Variants in TENM4 observed in about 807,000 individuals in gnomAD.
The protein encoded by TENM4 is teneurin transmembrane protein 4.
A neutral mutation model predicts 243.3 loss-of-function variants in TENM4; 82 were observed. That is an observed-to-expected ratio of 0.34 (90% CI 0.28 to 0.40). The LOEUF (loss-of-function observed/expected upper bound fraction) is 0.40, where lower values mean the gene tolerates loss of function less well. Among genes scored for constraint, TENM4 ranks in the 10% least tolerant of loss-of-function variants. The probability of loss-of-function intolerance (pLI) is 1.00; values close to 1 mark genes in which losing one functional copy is unlikely to be tolerated. For synonymous variants in TENM4, 1,412 were observed against 1,456.3 expected (o/e 0.97, Z 0.69); for missense variants, 3,138 against 3,673.3 (o/e 0.85, Z 3.77).
intron 1 of TENM4, among the ~76,000 whole-genome samples, chr11:79,341,258 T>C (rs1323930405): frequency 1.3e-5 from 2 of 152,202 alleles, no homozygotes; most frequent in Non-Finnish European, 1.5e-5. Flanking sequence ...GAATGTGTCA[T>C]AGCAGCGATG....
In TENM4 at chr11:78,729,548, G is replaced by A. The variant is rs1021170863; in HGVS notation, c.3234C>T (p.Ser1078=). The A allele has an allele frequency of 9.3e-6, 15 of 1,613,880 alleles. No homozygotes were observed. The highest frequency in any genetic ancestry group is 1.1e-5 in the Non-Finnish European group (13 of 1,179,900). The change falls in exon 22 of 34, where the codon AGC becomes AGT. Residue 1078 remains serine, a synonymous_variant. Coordinates refer to ENST00000278550, the MANE Select transcript of TENM4 (RefSeq NM_001098816.3). ...TGAAGGGGATGGTCGGGTGGGTGAG[G>A]CTGATCCTCAGGACAGATTTGTAGC... The part of the protein sequence containing the change: ...TPGYKSVLRI[S]LTHPTIPFNL...
intron 9 of TENM4, among the ~76,000 whole-genome samples, chr11:78,881,366 A>G (rs1027887373): frequency 1.3e-5 from 2 of 152,152 alleles, no homozygotes; most frequent in Non-Finnish European, 2.9e-5. Context: ...GGGTTCCACC[A>G]CCAGGAGGAG....
chr11:79,128,030 G>T (rs1269395946), intron 4 of TENM4, among the ~76,000 whole-genome samples: 2 of 152,180 alleles, frequency 1.3e-5, no homozygotes, highest in Non-Finnish European at 2.9e-5. Context: ...TGCCAGTTTT[G>T]AGTGGGGTCC....
chr11:79,421,908 A>C (rs1385828839), intron 1 of TENM4, among the ~76,000 whole-genome samples: 1 of 152,056 alleles, frequency 6.6e-6, no homozygotes, highest in African/African-American at 2.4e-5. Context: ...GCTGCCAATC[A>C]TCACCCCCTT....
At chr11:79,017,124 T>A (rs1263980734) in intron 6 of TENM4, among the ~76,000 whole-genome samples, 2 of 152,162 alleles carry the variant, frequency 1.3e-5, no homozygotes, top group Admixed American at 1.3e-4. Flanking sequence ...ATGGAGGAGA[T>A]CAATTTTTTT....
intron 6 of TENM4, among the ~76,000 whole-genome samples, chr11:78,981,692 C>G (rs1262005968): frequency 6.6e-6 from 1 of 152,172 alleles, no homozygotes; most frequent in Non-Finnish European, 1.5e-5. Context: ...TATCTCTGGA[C>G]TTCTTGCTAA....
chr11:78,917,835 T>C lies in TENM4; in HGVS notation c.494-14312A>G, dbSNP rs1212486376. 3.3e-5 allele frequency among the ~76,000 whole-genome samples: 5 copies of C among 152,192 alleles called. No homozygotes were observed. The East Asian group carries it at 9.6e-4, about 29-fold the overall frequency. On this transcript the variant is annotated intron_variant, in intron 6 of 33. Transcript: ENST00000278550. ...GGGTTTGAATCCTGGCTCTACTATT[T>C]CCTAGCTGTGGCCCTGCCCAAGTTA...
chr11:79,248,538 T>A (rs1486817692), intron 2 of TENM4, among the ~76,000 whole-genome samples: 1 of 152,150 alleles, frequency 6.6e-6, no homozygotes, highest in Non-Finnish European at 1.5e-5. Context: ...CCTAAAGTCA[T>A]TTTGCACATC....
At chr11:78,939,013 G>C (rs541102292) in intron 6 of TENM4, among the ~76,000 whole-genome samples, 2 of 152,258 alleles carry the variant, frequency 1.3e-5, no homozygotes, top group East Asian at 1.9e-4. Context: ...TCTTGGTCTG[G>C]GTAGTAAACA....
rs940996974 is a variant in TENM4, at chr11:78,813,705, G to A, written c.1783+589C>T. 3.9e-5 allele frequency among the ~76,000 whole-genome samples: 6 copies of A among 152,282 alleles called. No individual in the cohort carries two copies. In the South Asian group the frequency reaches 1.0e-3, roughly 26 times the overall value. On this transcript the variant is annotated intron_variant, in intron 13 of 33. Transcript: ENST00000278550. ...GATGGCCAAAAGCATGGGATAGATC[G>A]TGGGCAGGCTTTTAGACTATCTCCA...
At chr11:79,150,390 A>G (rs1402336191) in intron 3 of TENM4, among the ~76,000 whole-genome samples, 1 of 152,084 alleles carries the variant, frequency 6.6e-6, no homozygotes, top group Non-Finnish European at 1.5e-5. Context: ...ATGAGTTTAG[A>G]AAGGTCAAAA....
At chr11:79,325,613 C>T (rs957295811) in intron 1 of TENM4, among the ~76,000 whole-genome samples, 1 of 152,174 alleles carries the variant, frequency 6.6e-6, no homozygotes, top group Non-Finnish European at 1.5e-5. Context: ...GATCAGGCTA[C>T]CCAGTACTCG....
chr11:79,159,186 C>T (rs1862689807), intron 3 of TENM4, among the ~76,000 whole-genome samples: 1 of 152,124 alleles, frequency 6.6e-6, no homozygotes, highest in Non-Finnish European at 1.5e-5. Flanking sequence ...GCAGGAAACG[C>T]ATCTTTGTTG....
chr11:79,321,129 G>A (rs1167420634), intron 1 of TENM4, among the ~76,000 whole-genome samples: 1 of 152,162 alleles, frequency 6.6e-6, no homozygotes, highest in African/African-American at 2.4e-5. Flanking sequence ...AAGTCCCTTG[G>A]CCTCTCTGTG....
intron 9 of TENM4, among the ~76,000 whole-genome samples, chr11:78,881,884 T>C (rs1001802776): frequency 1.3e-5 from 2 of 152,246 alleles, no homozygotes; most frequent in African/African-American, 2.4e-5. Flanking sequence ...GATATCTGTC[T>C]GTGGCCTGTT....
At position 78,656,055 on chromosome 11, in the gene TENM4, C is replaced by T. The variant is rs1249397563; in HGVS notation, c.*2003G>A. 6.6e-6 allele frequency: 1 copy of T among 152,164 alleles called. No individual in the cohort carries two copies. Among genetic ancestry groups the T allele is most frequent in the East Asian group, 1.9e-4 (1 of 5,184 alleles). The allele number at this position is 152,164 out of a possible 1,614,324, so 9.4% of individuals were successfully genotyped here. A position where few individuals can be genotyped will look rare whatever the true frequency, so the allele number is the denominator to read the frequency against. On this transcript the variant is annotated 3_prime_UTR_variant, in exon 34 of 34. Coordinates refer to ENST00000278550, the MANE Select transcript of TENM4 (RefSeq NM_001098816.3). ...AACAGGAAGAGCACTTAGCGAAACA[C>T]ATCCTCTAATCCCAGTGGGATGACG... is the stretch of plus-strand genomic sequence containing the variant.
rs139655727 is a variant in TENM4, at chr11:79,188,877, G to A, written c.-163+26931C>T. Among the ~76,000 whole-genome samples, 81 of 152,264 alleles carry A rather than the reference G, an allele frequency of 5.3e-4. 1 individual carries two copies. Among genetic ancestry groups the A allele is most frequent in the African/African-American group, 1.8e-3 (73 of 41,540 alleles). On this transcript the variant is annotated intron_variant, in intron 3 of 33. Coordinates refer to ENST00000278550, the MANE Select transcript of TENM4 (RefSeq NM_001098816.3). ...GGGGACCAGATGTGGGGAAATCTTC[G>A]CACATGTTACCTGCAAGCATGCATA...
chr11:79,110,091 TC>T (rs1412730798), intron 4 of TENM4, among the ~76,000 whole-genome samples: 3 of 152,226 alleles, frequency 2.0e-5, no homozygotes, highest in Non-Finnish European at 4.4e-5. Context: ...TATAAAGTCT[TC>T]CCTCACCCTT....
intron 6 of TENM4, among the ~76,000 whole-genome samples, chr11:79,004,957 A>C (rs1297316139): frequency 6.6e-6 from 1 of 151,466 alleles, no homozygotes; most frequent in African/African-American, 2.4e-5. Flanking sequence ...AAAAAAAAAA[A>C]AAAACAACTC....
Sources: allele counts gnomAD v4.1 joint callset (sites outside exome capture counted in the v4.1 genomes callset), GRCh38; gene constraint gnomAD v4.1.1; transcripts MANE v1.5; gene names NCBI Gene and HGNC (gene_info 2026-07-23, HGNC 2026-07-21).